The following MSH5 variants were observed in gnomAD, a reference collection of about 807,000 sequenced individuals.
MSH5 encodes the protein mutS homolog 5, also known as mutS protein homolog 5.
MSH5 carries 78 observed loss-of-function variants against 107.7 expected under a neutral mutation model. That is an observed-to-expected ratio of 0.72 (90% CI 0.60 to 0.87). The LOEUF (loss-of-function observed/expected upper bound fraction) is 0.87. Ranked by LOEUF, MSH5 falls within the 40% of genes least tolerant of loss-of-function variation. The pLI is 0.00. For missense variants in MSH5, 889 were observed against 1,046.6 expected (o/e 0.85, Z 2.08); for synonymous variants, 326 against 399.5 (o/e 0.82, Z 2.19).
At chr6:31,744,376 G>A in intron 7 of MSH5, 77 bp downstream of exon 7, 2 of 1,593,376 alleles carry the variant, frequency 1.3e-6, no homozygotes, top group South Asian at 1.1e-5. Context: ...GGTGGGGTGT[G>A]GATGTGGCTG....
rs2151329411 is a variant in MSH5, at chr6:31,740,530, T to C, written c.64T>C (p.Ser22Pro). The change falls in exon 2 of 25, where the codon TCC becomes CCC. Residue 22 changes from serine to proline, a missense_variant. Ser to Pro is a moderately conservative substitution (Grantham distance 74). Coordinates refer to ENST00000375750, the MANE Select transcript of MSH5 (RefSeq NM_172166.4). This position sits in a 1 kb window ranked among gnomAD's most constrained non-coding sequence, Gnocchi z 4.4. ...GGGACCGAGACCTGGGGCGGCCTCC[T>C]CCGGCTTCCCCAGCCCGGCCCCAGT... is the stretch of plus-strand genomic sequence containing the variant. ...PQGPRPGAAS[S>P]GFPSPAPVPG... 1 of 1,544,500 alleles carries C rather than the reference T, an allele frequency of 6.5e-7. No individual in the cohort carries two copies. Among genetic ancestry groups the C allele is most frequent in the Non-Finnish European group, 8.7e-7 (1 of 1,144,596 alleles).
Position 31,758,477 on chromosome 6 carries a change from T to C in MSH5, c.1144-71T>C. On this transcript the variant is annotated intron_variant, in intron 13 of 24. Transcript: ENST00000375750. The surrounding 1 kb of genome is among the most constrained non-coding windows in gnomAD (Gnocchi z 5.1). Reference sequence around the variant, plus strand: ...GTTAAAGGAGGACTGCAGGGAGAATTGGGGCCCAAGGAGAGCTGAGGAACA... The same window carrying C: ...GTTAAAGGAGGACTGCAGGGAGAATCGGGGCCCAAGGAGAGCTGAGGAACA... 4 of 1,588,258 alleles carry C rather than the reference T, an allele frequency of 2.5e-6. No individual in the cohort carries two copies. Among genetic ancestry groups the C allele is most frequent in the Non-Finnish European group, 2.6e-6 (3 of 1,158,594 alleles).
chr6:31,753,243 CTG>C (rs1288786757), intron 10 of MSH5, 56 bp from the exon 11 acceptor site: 1 of 1,547,036 alleles, frequency 6.5e-7, no homozygotes, highest in Admixed American at 1.9e-5. Flanking sequence ...TTTTGGCAAA[CTG>C]AGATCAAGAT....
rs759991582 is a variant in MSH5, at chr6:31,758,790, C to A, written c.1241C>A (p.Pro414His). The A allele has an allele frequency of 6.2e-7, 1 of 1,614,058 alleles. No individual in the cohort carries two copies. Among genetic ancestry groups the A allele is most frequent in the South Asian group, 1.1e-5 (1 of 91,090 alleles). Residue 414 changes from proline to histidine, a missense_variant, in exon 15 of 25, where the codon CCC becomes CAC. Transcript: ENST00000375750. This position sits in a 1 kb window ranked among gnomAD's most constrained non-coding sequence, Gnocchi z 5.1. ...DEKKRRLMGL[P>H]SFLTEVARKE... ...GAAAAGCGAAGACTGATGGGACTTC[C>A]CAGTTTCCTTACTGAGGTTGCCCGC...
In MSH5 at chr6:31,760,945, T is replaced by C. The variant is rs1319624207; in HGVS notation, c.1962+106T>C. 8.3e-6 allele frequency: 11 copies of C among 1,325,884 alleles called. No individual in the cohort carries two copies. Among genetic ancestry groups the C allele is most frequent in the Non-Finnish European group, 1.1e-5 (11 of 970,284 alleles). 82.1% of individuals were successfully genotyped at this position (1,325,884 alleles called of 1,614,324 possible). ...CATGCCCTCTGCTGCATGCCCTTTA[T>C]ACTAAAAGTGGGGAGCACTAAGGTC... On this transcript the variant is annotated intron_variant, in intron 20 of 24. Coordinates refer to ENST00000375750, the MANE Select transcript of MSH5 (RefSeq NM_172166.4). The surrounding 1 kb of genome is among the most constrained non-coding windows in gnomAD (Gnocchi z 5.6).
intron 10 of MSH5, 138 bp from the exon 11 acceptor site, chr6:31,753,163 C>T: frequency 9.2e-7 from 1 of 1,090,564 alleles, no homozygotes; most frequent in Non-Finnish European, 1.3e-6. Context: ...GGACACTGCA[C>T]TTGCCACTAC....
rs534514526 is a variant in MSH5, at chr6:31,740,346, C to T, written c.-13-108C>T. 1 of 1,211,102 alleles carries T rather than the reference C, an allele frequency of 8.3e-7. No individual in the cohort carries two copies. Among genetic ancestry groups the T allele is most frequent in the Non-Finnish European group, 1.1e-6 (1 of 880,296 alleles). 75.0% of individuals were successfully genotyped at this position (1,211,102 alleles called of 1,614,324 possible). On this transcript the variant is annotated intron_variant, in intron 1 of 24. Transcript: ENST00000375750. This position sits in a 1 kb window ranked among gnomAD's most constrained non-coding sequence, Gnocchi z 4.4. Reference sequence around the variant, plus strand: ...CTCCACGCCCCTCAGCCCTGCCCCGCAGCCCTGTAGCAGAAGTACTTAGTG... The same window carrying T: ...CTCCACGCCCCTCAGCCCTGCCCCGTAGCCCTGTAGCAGAAGTACTTAGTG...
rs760988569 is a variant in MSH5, at chr6:31,753,433, C to T, written c.945C>T (p.Asn315=). The T allele has an allele frequency of 2.0e-5, 33 of 1,613,662 alleles. No individual in the cohort carries two copies. Among genetic ancestry groups the T allele is most frequent in the Non-Finnish European group, 2.7e-5 (32 of 1,179,800 alleles). The change falls in exon 11 of 25, where the codon AAC becomes AAT. Residue 315 remains asparagine (N), a synonymous_variant. Coordinates refer to ENST00000375750, the MANE Select transcript of MSH5 (RefSeq NM_172166.4). ...ATCGGCTCCTGGGTCACATCAAGAA[C>T]GTGCCTGTGAGCCCAGGGTGGAGGG... ...MLHRLLGHIK[N]VPLILKRMKL...
rs1208923540 is a variant in MSH5, at chr6:31,761,092, G to A, written c.1963-96G>A. 13 of 1,222,968 alleles carry A rather than the reference G, an allele frequency of 1.1e-5. No homozygotes were observed. The South Asian group carries it at 1.6e-4, about 15-fold the overall frequency. The allele number at this position is 1,222,968 out of a possible 1,614,324, so 75.8% of individuals were successfully genotyped here. On this transcript the variant is annotated intron_variant, in intron 20 of 24. Coordinates refer to ENST00000375750, the MANE Select transcript of MSH5 (RefSeq NM_172166.4). The surrounding 1 kb of genome is among the most constrained non-coding windows in gnomAD (Gnocchi z 5.3). ...ATTCAAGAACTTGCAGTGCAGTAGG[G>A]AGGGCATGTATACAGCTTTATTCAC...
chr6:31,753,330 T>C lies in MSH5; in HGVS notation c.842T>C (p.Leu281Pro), dbSNP rs548939028. 1.9e-6 allele frequency: 3 copies of C among 1,613,840 alleles called. No individual in the cohort carries two copies. The highest frequency in any genetic ancestry group is 2.2e-5 in the East Asian group (1 of 44,860). The part of the protein sequence containing the change: ...RLWFTRPTHD[L>P]GELSSRLDVI... ...TGGTTCACACGTCCGACTCATGACC[T>C]GGGGGAGCTCAGTTCTCGTCTGGAC... Residue 281 changes from leucine to proline, a missense_variant, in exon 11 of 25, where the codon CTG becomes CCG. Physicochemically the swap from Leu to Pro is moderately conservative, Grantham distance 98. This residue lies in a region of MSH5 where 518 missense variants were observed against 565.0 expected (regional missense o/e 0.92). Transcript: ENST00000375750.
intron 10 of MSH5, among the ~76,000 whole-genome samples, chr6:31,749,282 C>T (rs1356461559): frequency 6.6e-6 from 1 of 152,050 alleles, no homozygotes; most frequent in Non-Finnish European, 1.5e-5. Context: ...TGGCTCACGC[C>T]TGTAGTCTCA....
chr6:31,743,152 T>C lies in MSH5; in HGVS notation c.397T>C (p.Leu133=). ...REPKRPEIIF[L]PSVDFGLEIS... ...GCCTAAAAGACCTGAAATCATATTT[T>C]TGCCAAGTGTGGATTTTGGTATCTC... Residue 133 remains leucine, a synonymous_variant, in exon 5 of 25, where the codon TTG becomes CTG. Transcript: ENST00000375750. 6.2e-7 allele frequency: 1 copy of C among 1,612,984 alleles called. No homozygotes were observed. Among genetic ancestry groups the C allele is most frequent in the Non-Finnish European group, 8.5e-7 (1 of 1,179,940 alleles).
intron 10 of MSH5, among the ~76,000 whole-genome samples, chr6:31,749,012 T>C (rs1238979568): frequency 1.3e-5 from 2 of 150,776 alleles, no homozygotes; most frequent in Non-Finnish European, 1.5e-5. Flanking sequence ...ACCTCCCAGG[T>C]TCAAGCAATT....
At chr6:31,749,541 TA>T (rs968668471) in intron 10 of MSH5, among the ~76,000 whole-genome samples, 252 of 141,846 alleles carry the variant, frequency 1.8e-3, no homozygotes, top group East Asian at 2.4e-3. Flanking sequence ...GATTCTGTCT[TA>T]AAAAAAAAAA....
chr6:31,758,232 G>A lies in MSH5; in HGVS notation c.1082G>A (p.Arg361Gln), dbSNP rs145281780. ...RSLPQSIQLF[R>Q]DIAQEFSDDL... is the part of the protein sequence containing the mutation. The stretch of plus-strand genomic sequence containing the variant: ...CTGCCGCAGTCCATCCAGCTCTTTC[G>A]GGACATTGCCCAAGAGTTCTCTGAT... Residue 361 changes from arginine (R) to glutamine (Q), a missense_variant, in exon 13 of 25, where the codon CGG becomes CAG. This residue lies in a region of MSH5 where 518 missense variants were observed against 565.0 expected (regional missense o/e 0.92). Transcript: ENST00000375750. The surrounding 1 kb of genome is among the most constrained non-coding windows in gnomAD (Gnocchi z 5.1). The A allele has an allele frequency of 2.5e-5, 40 of 1,612,848 alleles. No individual in the cohort carries two copies. In the African/African-American group the frequency reaches 3.3e-4, roughly 13 times the overall value.
intron 9 of MSH5, chr6:31,746,115 A>T (rs61036903): frequency 0.37 from 18,263 of 49,778 alleles, 1,353 homozygotes; most frequent in African/African-American, 0.49. Flanking sequence ...TGTGTGTGTG[A>T]GACGAAGTCT....
At chr6:31,749,423 T>G (rs1809758657) in intron 10 of MSH5, among the ~76,000 whole-genome samples, 1 of 151,954 alleles carries the variant, frequency 6.6e-6, no homozygotes, top group African/African-American at 2.4e-5. Context: ...ATGCCTCTAG[T>G]ACCAGCTACT....
At chr6:31,745,780 T>G (rs1293706464) in intron 9 of MSH5, among the ~76,000 whole-genome samples, 4 of 149,176 alleles carry the variant, frequency 2.7e-5, no homozygotes, top group African/African-American at 5.0e-5. Context: ...TTTTTTTTTT[T>G]TTTTTGATAC....
rs959462895 is a variant in MSH5, at chr6:31,759,616, C to G, written c.1495+104C>G. 2 of 1,363,924 alleles carry G rather than the reference C, an allele frequency of 1.5e-6. No individual in the cohort carries two copies. Among genetic ancestry groups the G allele is most frequent in the Admixed American group, 3.7e-5 (2 of 53,710 alleles). 84.5% of individuals were successfully genotyped at this position (1,363,924 alleles called of 1,614,324 possible). A position where few individuals can be genotyped will look rare whatever the true frequency, so the allele number is the denominator to read the frequency against. On this transcript the variant is annotated intron_variant, in intron 17 of 24. Transcript: ENST00000375750. The surrounding 1 kb of genome is among the most constrained non-coding windows in gnomAD (Gnocchi z 4.7). ...ACTTGGGGATGCTTCCAACAGGCCC[C>G]TCCTCTTCCTGCTCTCTGTCTCGCT...
Sources: gnomAD v4.1 joint callset for allele counts (sites outside exome capture counted in the v4.1 genomes callset) on GRCh38, gnomAD v4.1.1 for gene constraint, gnomAD v4.1.1 regional missense constraint, Gnocchi (gnomAD v3.1) non-coding constraint, MANE v1.5 for transcripts, NCBI Gene and HGNC (gene_info 2026-07-23, HGNC 2026-07-21) for gene names.